The following EDAR variants were observed in gnomAD, a reference collection of about 807,000 sequenced individuals.
EDAR encodes the protein tumor necrosis factor receptor superfamily member EDAR.
Under a neutral mutation model 51.3 loss-of-function variants are expected in EDAR, and 38 were observed. The ratio of observed to expected loss-of-function variants is 0.74; its 90% confidence interval spans 0.57 to 0.97. The LOEUF (loss-of-function observed/expected upper bound fraction) is 0.97. Ranked by LOEUF, EDAR falls within the 50% of genes least tolerant of loss-of-function variation. The probability of loss-of-function intolerance (pLI) is 0.00; values close to 1 mark genes in which losing one functional copy is unlikely to be tolerated. For missense variants in EDAR, 528 were observed against 595.0 expected (o/e 0.89, Z 1.17); for synonymous variants, 227 against 242.1 (o/e 0.94, Z 0.58).
intron 5 of EDAR, among the ~76,000 whole-genome samples, chr2:108,917,991 T>C (rs542189865): frequency 6.6e-6 from 1 of 152,208 alleles, no homozygotes; most frequent in East Asian, 1.9e-4. Context: ...AAAAAATCCA[T>C]CCCAGAATCA....
At chr2:108,929,899 A>G (rs1240010464) in intron 3 of EDAR, among the ~76,000 whole-genome samples, 1 of 152,236 alleles carries the variant, frequency 6.6e-6, no homozygotes, top group Non-Finnish European at 1.5e-5. Context: ...AAAACATTTC[A>G]GAACTCCTGA....
intron 1 of EDAR, among the ~76,000 whole-genome samples, chr2:108,939,440 T>G (rs147338604): frequency 6.6e-6 from 1 of 152,268 alleles, no homozygotes; most frequent in African/African-American, 2.4e-5. Flanking sequence ...GTGCAGAGTA[T>G]GCGTATGTGA....
chr2:108,944,864 C>T (rs59357012), intron 1 of EDAR, among the ~76,000 whole-genome samples: 1,948 of 152,282 alleles, frequency 0.013, 49 homozygotes, highest in African/African-American at 0.045. Context: ...CTATGGTCGC[C>T]GCCACCTGCA....
At chr2:108,897,330 A>AT (rs1291405539) in intron 11 of EDAR, 101 bp from the exon 12 acceptor site, 4 of 1,218,434 alleles carry the variant, frequency 3.3e-6, no homozygotes, top group Admixed American at 4.4e-5. Context: ...TTTGAAAAAA[A>AT]TTTTTTTAAA....
chr2:108,982,778 C>T (rs373343917), intron 1 of EDAR, among the ~76,000 whole-genome samples: 23 of 152,254 alleles, frequency 1.5e-4, no homozygotes, highest in African/African-American at 5.1e-4. Context: ...CCTAAGTCTC[C>T]TTGCTTTGGT....
chr2:108,948,481 ACTAC>A (rs1359803549), intron 1 of EDAR, among the ~76,000 whole-genome samples: 5 of 152,356 alleles, frequency 3.3e-5, no homozygotes, highest in African/African-American at 1.2e-4. Context: ...CTATAAAGAT[ACTAC>A]CTGAGACTGG....
chr2:108,957,819 T>C (rs1697954833), intron 1 of EDAR, among the ~76,000 whole-genome samples: 2 of 152,256 alleles, frequency 1.3e-5, no homozygotes, highest in Non-Finnish European at 2.9e-5. Flanking sequence ...TTGATGCAGC[T>C]GTTGCCTAGC....
intron 1 of EDAR, among the ~76,000 whole-genome samples, chr2:108,954,228 T>A (rs945212113): frequency 1.3e-5 from 2 of 152,092 alleles, no homozygotes; most frequent in Non-Finnish European, 2.9e-5. Context: ...TCTTTAGAAC[T>A]GGAGATCCTG....
At chr2:108,933,267 A>G (rs1697405392) in intron 1 of EDAR, among the ~76,000 whole-genome samples, 1 of 152,200 alleles carries the variant, frequency 6.6e-6, no homozygotes, top group Non-Finnish European at 1.5e-5. Flanking sequence ...GGGGGTGACC[A>G]AGGACTGAGG....
At chr2:108,906,142 G>A (rs1168380277) in intron 11 of EDAR, among the ~76,000 whole-genome samples, 166 bp downstream of exon 11, 1 of 152,216 alleles carries the variant, frequency 6.6e-6, no homozygotes, top group Non-Finnish European at 1.5e-5. Context: ...ACAAGATTCT[G>A]TTTCCCCACA....
intron 1 of EDAR, among the ~76,000 whole-genome samples, chr2:108,967,171 C>A (rs1698163194): frequency 6.6e-6 from 1 of 152,158 alleles, no homozygotes; most frequent in Non-Finnish European, 1.5e-5. Flanking sequence ...CTGCCCTCAA[C>A]TGATCCACCT....
chr2:108,977,780 C>T lies in EDAR; in HGVS notation c.-19+11180G>A, dbSNP rs553937825. On this transcript the variant is annotated intron_variant, in intron 1 of 11. Transcript: ENST00000258443. ...AACAGGCCTCAGTGTCTGAAGGACC[C>T]ACAGCCACCTCAGGACAGTTCCTGC... 1.2e-4 allele frequency among the ~76,000 whole-genome samples: 19 copies of T among 152,318 alleles called. No homozygotes were observed. In the South Asian group the frequency reaches 3.5e-3, roughly 28 times the overall value.
chr2:108,897,475 A>G (rs1359478542), intron 11 of EDAR, among the ~76,000 whole-genome samples: 1 of 152,144 alleles, frequency 6.6e-6, no homozygotes, highest in African/African-American at 2.4e-5. Flanking sequence ...CACTAGGAAA[A>G]TGACTGCTAT....
At chr2:108,903,204 CG>C (rs1185603457) in intron 11 of EDAR, among the ~76,000 whole-genome samples, 8 of 152,092 alleles carry the variant, frequency 5.3e-5, no homozygotes, top group Admixed American at 1.3e-4. Flanking sequence ...ACTTGTATTT[CG>C]GAAGCTACAC....
chr2:108,974,742 A>G (rs1698293796), intron 1 of EDAR, among the ~76,000 whole-genome samples: 1 of 152,068 alleles, frequency 6.6e-6, no homozygotes, highest in Non-Finnish European at 1.5e-5. Context: ...AAAAAAAAAG[A>G]TACTATTCCC....
rs1172993990 is a variant in EDAR at position 108,911,032 on chromosome 2, A to G, written c.570T>C (p.Ile190=). The G allele has an allele frequency of 1.9e-6, 3 of 1,614,150 alleles. No homozygotes were observed. Among genetic ancestry groups the G allele is most frequent in the Non-Finnish European group, 2.5e-6 (3 of 1,180,012 alleles). Residue 190 remains isoleucine (I), a synonymous_variant, in exon 7 of 12, where the codon ATT becomes ATC. Coordinates refer to ENST00000258443, the MANE Select transcript of EDAR (RefSeq NM_022336.4). ...GQGHLATALI[I]AMSTIFIMAI... is the part of the protein sequence containing the mutation. ...CCATGATGAAGATGGTGGACATTGC[A>G]ATGATCAGGGCAGTGGCCAGGTGTC...
chr2:108,939,058 A>G (rs2105467689), intron 1 of EDAR, among the ~76,000 whole-genome samples: 1 of 152,096 alleles, frequency 6.6e-6, no homozygotes. Context: ...GATTACAGGC[A>G]TGAGCCACCG....
chr2:108,974,677 C>T (rs1236919236), intron 1 of EDAR, among the ~76,000 whole-genome samples: 1 of 152,058 alleles, frequency 6.6e-6, no homozygotes, highest in Non-Finnish European at 1.5e-5. Context: ...TTTCAGTGAG[C>T]CGAGATAGCG....
intron 4 of EDAR, among the ~76,000 whole-genome samples, chr2:108,926,456 C>T (rs375662544): frequency 5.2e-4 from 79 of 152,308 alleles, no homozygotes; most frequent in African/African-American, 1.7e-3. Flanking sequence ...TCAGGACTCT[C>T]ATGCCTGTAA....
Sources: allele counts gnomAD v4.1 joint callset (sites outside exome capture counted in the v4.1 genomes callset), GRCh38; gene constraint gnomAD v4.1.1; transcripts MANE v1.5; gene names NCBI Gene and HGNC (gene_info 2026-07-23, HGNC 2026-07-21).